CIBAR1: variants seen among roughly 807,000 people sequenced by gnomAD.
CIBAR1 encodes CBY1 interacting BAR domain containing 1, also known as CBY1-interacting BAR domain-containing protein 1.
CIBAR1 carries 25 observed loss-of-function variants against 44.0 expected under a neutral mutation model. The observed-to-expected ratio is 0.57, with a 90% CI of 0.41 to 0.79. The LOEUF (loss-of-function observed/expected upper bound fraction) is 0.79. Among genes scored for constraint, CIBAR1 ranks in the 30% least tolerant of loss-of-function variants. CIBAR1 has a pLI of 0.00. For synonymous variants in CIBAR1, 115 were observed against 119.0 expected (o/e 0.97, Z 0.22); for missense variants, 278 against 344.8 (o/e 0.81, Z 1.53).
At chr8:93,700,730 G>A in intron 1 of CIBAR1, 57 bp downstream of exon 1, 3 of 1,463,486 alleles carry the variant, frequency 2.0e-6, no homozygotes, top group Non-Finnish European at 2.7e-6. Flanking sequence ...TGGGGTGAGG[G>A]AAGTGGAAGC....
At chr8:93,701,814 A>G in intron 2 of CIBAR1, 1 of 231,432 alleles carries the variant, frequency 4.3e-6, no homozygotes, top group Non-Finnish European at 8.5e-6. Context: ...TTAAAGAATG[A>G]CTGGAGATGG....
chr8:93,728,795 G>GTA lies in CIBAR1; in HGVS notation c.*501_*502dup, dbSNP rs1364761008. 5.9e-5 allele frequency: 9 copies of GTA among 151,948 alleles called. No individual in the cohort carries two copies. The highest frequency in any genetic ancestry group is 2.2e-4 in the African/African-American group (9 of 41,390). The allele number at this position is 151,948 out of a possible 1,614,324, so 9.4% of individuals were successfully genotyped here. ...TAAGTAAATTTACTTTTCAAGAAGA[G>GTA]TATAACCAAAGAGTAAAGATAATGT... is the stretch of plus-strand genomic sequence containing the variant. On this transcript the variant is annotated 3_prime_UTR_variant, in exon 9 of 9. Transcript: ENST00000518322.
intron 6 of CIBAR1, among the ~76,000 whole-genome samples, chr8:93,716,655 T>C (rs1185191727): frequency 6.6e-6 from 1 of 152,172 alleles, no homozygotes; most frequent in East Asian, 1.9e-4. Flanking sequence ...AAGTTTTCTT[T>C]TTATTGCCAA....
intron 2 of CIBAR1, chr8:93,702,194 AAAC>A (rs1246152092): frequency 2.5e-6 from 1 of 406,608 alleles, no homozygotes; most frequent in Non-Finnish European, 4.9e-6. Flanking sequence ...AATTTTCAAA[AAAC>A]AGAATGAGTA....
intron 2 of CIBAR1, chr8:93,702,419 A>G (rs924439610): frequency 1.5e-5 from 6 of 403,740 alleles, no homozygotes; most frequent in Middle Eastern, 3.5e-4. Context: ...AATAATTTCA[A>G]TGCCCCTTTG....
chr8:93,701,345 C>T lies in CIBAR1; in HGVS notation c.148C>T (p.Leu50Phe). 1 of 1,613,898 alleles carries T rather than the reference C, an allele frequency of 6.2e-7. No individual in the cohort carries two copies. The highest frequency in any genetic ancestry group is 8.5e-7 in the Non-Finnish European group (1 of 1,179,870). Residue 50 changes from leucine (L) to phenylalanine (F), a missense_variant, in exon 2 of 9, where the codon CTC becomes TTC. Physicochemically the swap from Leu to Phe is conservative, Grantham distance 22. Coordinates refer to ENST00000518322, the MANE Select transcript of CIBAR1 (RefSeq NM_145269.5). ...KTARLRDKAD[L>F]LVNEINAYAA... is the part of the protein sequence containing the mutation. ...TGCCAGGCTGAGAGACAAAGCAGAC[C>T]TCCTGGTGAATGAAATTAACGCGTA...
At chr8:93,718,600 A>T in intron 6 of CIBAR1, 75 bp from the exon 7 acceptor site, 1 of 758,300 alleles carries the variant, frequency 1.3e-6, no homozygotes, top group East Asian at 2.8e-5. Flanking sequence ...CCAAGACTAT[A>T]GTGAGGAATA....
intron 4 of CIBAR1, among the ~76,000 whole-genome samples, chr8:93,706,405 T>C (rs1049349992): frequency 5.6e-4 from 1 of 1,800 alleles, no homozygotes. Flanking sequence ...GCAGAGGCTA[T>C]GGGGCAGGGT....
Position 93,709,759 on chromosome 8 carries a change from A to C in CIBAR1, c.439-12A>C, listed in dbSNP as rs745313526. 5 of 1,609,060 alleles carry C rather than the reference A, an allele frequency of 3.1e-6. No individual in the cohort carries two copies. The East Asian group carries it at 1.1e-4, about 36-fold the overall frequency. Reference sequence around the variant, plus strand: ...TTTTTTTTATATCCTTGGTTGGGGAATACTTTTGTAGGCAGAAACGGAATT... The same window carrying C: ...TTTTTTTTATATCCTTGGTTGGGGACTACTTTTGTAGGCAGAAACGGAATT... On this transcript the variant is annotated splice_polypyrimidine_tract_variant and intron_variant, in intron 5 of 8. Coordinates refer to ENST00000518322, the MANE Select transcript of CIBAR1 (RefSeq NM_145269.5).
Position 93,731,345 on chromosome 8 carries a change from T to A in CIBAR1, c.*3048T>A, listed in dbSNP as rs181347800. 3 of 152,324 alleles carry A rather than the reference T, an allele frequency of 2.0e-5. No individual in the cohort carries two copies. Among genetic ancestry groups the A allele is most frequent in the Admixed American group, 1.3e-4 (2 of 15,306 alleles). 9.4% of individuals were successfully genotyped at this position (152,324 alleles called of 1,614,324 possible). A position where few individuals can be genotyped will look rare whatever the true frequency, so the allele number is the denominator to read the frequency against. The stretch of plus-strand genomic sequence containing the variant: ...TTAACTTTCCATATATTATTCAAAA[T>A]GGGTGACCAAATGAACCATCTATAC... On this transcript the variant is annotated 3_prime_UTR_variant, in exon 9 of 9. Transcript: ENST00000518322.
At chr8:93,727,292 C>T (rs764159240) in intron 8 of CIBAR1, 39 of 965,760 alleles carry the variant, frequency 4.0e-5, no homozygotes, top group Non-Finnish European at 5.1e-5. Flanking sequence ...CTCCTGTAAG[C>T]ATTTATTTTG....
intron 7 of CIBAR1, among the ~76,000 whole-genome samples, chr8:93,722,556 G>A (rs1462978685): frequency 2.6e-5 from 4 of 152,166 alleles, no homozygotes; most frequent in African/African-American, 9.6e-5. Flanking sequence ...AAATTAGCCA[G>A]GCATGGTGGC....
intron 2 of CIBAR1, among the ~76,000 whole-genome samples, chr8:93,702,832 T>C (rs957416898): frequency 1.3e-5 from 2 of 152,152 alleles, no homozygotes; most frequent in African/African-American, 4.8e-5. Flanking sequence ...TTTCCTGCTA[T>C]TAAAAAATGT....
chr8:93,703,223 CTCTG>C (rs1195093571), intron 2 of CIBAR1, among the ~76,000 whole-genome samples: 1 of 152,232 alleles, frequency 6.6e-6, no homozygotes, highest in East Asian at 1.9e-4. Context: ...TTCCAAGATG[CTCTG>C]TCTTTCAGCT....
intron 7 of CIBAR1, chr8:93,719,963 G>A (rs1265869281): frequency 6.7e-6 from 1 of 148,294 alleles, no homozygotes; most frequent in Non-Finnish European, 1.5e-5. Context: ...AGATTCCCCC[G>A]ATTTTTTTTT....
chr8:93,726,937 C>T (rs1322417587), intron 8 of CIBAR1, among the ~76,000 whole-genome samples: 1 of 151,930 alleles, frequency 6.6e-6, no homozygotes, highest in African/African-American at 2.4e-5. Flanking sequence ...CATTTTTTTT[C>T]TATATCCAGA....
chr8:93,724,384 G>A, intron 7 of CIBAR1: 1 of 350,886 alleles, frequency 2.8e-6, no homozygotes, highest in Admixed American at 3.5e-5. Flanking sequence ...GGCGTGCAGT[G>A]GCACAATCAC....
intron 3 of CIBAR1, 105 bp downstream of exon 3, chr8:93,703,793 G>A: frequency 7.6e-6 from 7 of 925,054 alleles, no homozygotes; most frequent in Non-Finnish European, 1.1e-5. Flanking sequence ...GGCCAAGAGT[G>A]GTGGCTCATG....
rs751598678 is a variant in CIBAR1, at chr8:93,728,239, CAGA to C, written c.816_818del (p.Glu272del). The C allele has an allele frequency of 6.3e-6, 10 of 1,597,426 alleles. No individual in the cohort carries two copies. Among genetic ancestry groups the C allele is most frequent in the Admixed American group, 3.5e-5 (2 of 57,194 alleles). ...TGTCGACTAAGAAAGGATCAACAAG[CAGA>C]AGATGATGAGGATGACGAGTTAGAT... is the stretch of plus-strand genomic sequence containing the variant. On this transcript the variant is annotated inframe_deletion, in exon 9 of 9. Coordinates refer to ENST00000518322, the MANE Select transcript of CIBAR1 (RefSeq NM_145269.5).
Sources: allele counts gnomAD v4.1 joint callset (sites outside exome capture counted in the v4.1 genomes callset), GRCh38; gene constraint gnomAD v4.1.1; transcripts MANE v1.5; gene names NCBI Gene and HGNC (gene_info 2026-07-23, HGNC 2026-07-21).